The following USP37 variants were observed in gnomAD, a reference collection of about 807,000 sequenced individuals.
The protein encoded by USP37 is ubiquitin carboxyl-terminal hydrolase 37.
In USP37, 27 loss-of-function variants were observed where a neutral mutation model predicts 124.0. That is an observed-to-expected ratio of 0.22 (90% CI 0.16 to 0.30). USP37 has a LOEUF of 0.30. USP37 is among the 10% of genes least tolerant of loss of function. The pLI, the probability that USP37 is intolerant of heterozygous loss-of-function variation, is 1.00. For missense variants in USP37, 889 were observed against 1,140.4 expected (o/e 0.78, Z 3.17); for synonymous variants, 365 against 388.0 (o/e 0.94, Z 0.70).
chr2:218,497,958 T>TAA (rs1487089148), intron 12 of USP37, 68 bp downstream of exon 12: 1 of 1,568,714 alleles, frequency 6.4e-7, no homozygotes, highest in African/African-American at 1.4e-5. Context: ...TTTGAGTGTC[T>TAA]AAAATTCCAT....
At chr2:218,501,070 A>G (rs1689355370) in intron 11 of USP37, 1 of 143,414 alleles carries the variant, frequency 7.0e-6, no homozygotes, top group South Asian at 2.2e-4. Context: ...AGAGGGTCTC[A>G]TTCTGTTGCC....
intron 10 of USP37, among the ~76,000 whole-genome samples, chr2:218,524,540 CCAA>C (rs1690846538): frequency 1.3e-5 from 2 of 152,164 alleles, no homozygotes; most frequent in Non-Finnish European, 2.9e-5. Context: ...GGCTTTTAAT[CCAA>C]CAACATCCTC....
At position 218,517,437 on chromosome 2, in the gene USP37, A is replaced by T. The variant is rs546279328; in HGVS notation, c.864-7297T>A. Among the ~76,000 whole-genome samples, 17 of 151,930 alleles carry T rather than the reference A, an allele frequency of 1.1e-4. No homozygotes were observed. In the East Asian group the frequency reaches 3.3e-3, roughly 29 times the overall value. ...TACATATTTGTGGGTAAACTCTGTTATTATTTTGTTTTGTATGATAGTGTC... is the reference window on the plus strand; with the variant it reads ...TACATATTTGTGGGTAAACTCTGTTTTTATTTTGTTTTGTATGATAGTGTC... On this transcript the variant is annotated intron_variant, in intron 10 of 25. Coordinates refer to ENST00000258399, the MANE Select transcript of USP37 (RefSeq NM_020935.3).
intron 22 of USP37, among the ~76,000 whole-genome samples, chr2:218,460,330 T>C (rs1405566017): frequency 6.6e-6 from 1 of 151,972 alleles, no homozygotes; most frequent in Non-Finnish European, 1.5e-5. Context: ...GAGGTACACA[T>C]TTTATCATTC....
chr2:218,552,660 AC>A (rs1301608230), intron 5 of USP37, among the ~76,000 whole-genome samples: 3 of 148,654 alleles, frequency 2.0e-5, no homozygotes, highest in African/African-American at 5.0e-5. Flanking sequence ...AGAAAAAAAA[AC>A]CACTATTTTA....
intron 4 of USP37, 28 bp from the exon 5 acceptor site, chr2:218,553,752 T>C: frequency 6.3e-7 from 1 of 1,581,872 alleles, no homozygotes; most frequent in Non-Finnish European, 8.6e-7. Flanking sequence ...AAAATTATCA[T>C]CAAAAATGTA....
At chr2:218,455,940 G>C (rs777593524) in intron 24 of USP37, among the ~76,000 whole-genome samples, 1 of 152,152 alleles carries the variant, frequency 6.6e-6, no homozygotes, top group Non-Finnish European at 1.5e-5. Flanking sequence ...CAGCTACTCA[G>C]GAGGCTGAGG....
chr2:218,465,989 A>G (rs1449376230), intron 21 of USP37, 21 bp downstream of exon 21: 1 of 1,599,218 alleles, frequency 6.3e-7, no homozygotes, highest in Non-Finnish European at 8.5e-7. Context: ...CAGAGAAAGT[A>G]GCAATATAAA....
At chr2:218,567,954 G>A (rs563735811) in intron 1 of USP37, among the ~76,000 whole-genome samples, 1 of 152,304 alleles carries the variant, frequency 6.6e-6, no homozygotes, top group Non-Finnish European at 1.5e-5. Flanking sequence ...GAGTTTCGGA[G>A]GGAGCGAGTG....
intron 9 of USP37, among the ~76,000 whole-genome samples, chr2:218,534,197 C>T (rs1165909331): frequency 6.6e-6 from 1 of 152,178 alleles, no homozygotes; most frequent in African/African-American, 2.4e-5. Flanking sequence ...CAATAACTAA[C>T]ACCAGATTAG....
intron 10 of USP37, among the ~76,000 whole-genome samples, chr2:218,510,634 GTTTATACT>G (rs899573183): frequency 2.6e-4 from 40 of 152,134 alleles, no homozygotes; most frequent in African/African-American, 9.2e-4. Context: ...GGCTATACCA[GTTTATACT>G]TCAAACAACA....
intron 8 of USP37, among the ~76,000 whole-genome samples, chr2:218,540,076 T>C (rs1691888399): frequency 6.6e-6 from 1 of 152,204 alleles, no homozygotes; most frequent in African/African-American, 2.4e-5. Context: ...GGAGGCACTT[T>C]ACAGTTTCTC....
In USP37 at chr2:218,495,874, G is replaced by C; in HGVS notation, c.1358C>G (p.Thr453Ser). 6.2e-7 allele frequency: 1 copy of C among 1,613,934 alleles called. No individual in the cohort carries two copies. Among genetic ancestry groups the C allele is most frequent in the Non-Finnish European group, 8.5e-7 (1 of 1,179,994 alleles). Residue 453 changes from threonine to serine, a missense_variant, in exon 14 of 26, where the codon ACT becomes AGT. Thr to Ser is a moderately conservative substitution (Grantham distance 58). Coordinates refer to ENST00000258399, the MANE Select transcript of USP37 (RefSeq NM_020935.3). ...ATTTTCTTCTCCAGAAACAGGTTCA[G>C]TCTTCCAAGTTTTATTTAATTTTTC... ...DMEKLNKTWK[T>S]EPVSGEENSP... is the part of the protein sequence containing the mutation.
chr2:218,476,248 T>C (rs1690968619), intron 19 of USP37, among the ~76,000 whole-genome samples: 1 of 152,220 alleles, frequency 6.6e-6, no homozygotes, highest in African/African-American at 2.4e-5. Flanking sequence ...GCTCTGTTGA[T>C]GTAAAATGTT....
intron 8 of USP37, among the ~76,000 whole-genome samples, chr2:218,545,138 G>A (rs1692249486): frequency 6.6e-6 from 1 of 152,194 alleles, no homozygotes. Flanking sequence ...GGCAAACTAA[G>A]GCAGACTATT....
At chr2:218,546,768 G>T in intron 7 of USP37, 151 bp downstream of exon 7, 1 of 883,254 alleles carries the variant, frequency 1.1e-6, no homozygotes, top group East Asian at 2.7e-5. Context: ...ACATGTCACT[G>T]ACATAAACTA....
intron 10 of USP37, among the ~76,000 whole-genome samples, chr2:218,510,691 A>G (rs1034433026): frequency 6.6e-6 from 1 of 152,156 alleles, no homozygotes; most frequent in Non-Finnish European, 1.5e-5. Context: ...ATTACTTATT[A>G]TTATCAGTTT....
chr2:218,514,792 C>T (rs1024527285), intron 10 of USP37, among the ~76,000 whole-genome samples: 1 of 152,144 alleles, frequency 6.6e-6, no homozygotes, highest in African/African-American at 2.4e-5. Context: ...TTCCTACAAC[C>T]CTCTGAAATT....
intron 23 of USP37, among the ~76,000 whole-genome samples, chr2:218,458,399 G>C (rs1227407763): frequency 6.6e-6 from 1 of 151,440 alleles, no homozygotes; most frequent in Non-Finnish European, 1.5e-5. Context: ...TGGTGAAATT[G>C]CATCTCTACT....
Sources: gnomAD v4.1 joint callset for allele counts (sites outside exome capture counted in the v4.1 genomes callset) on GRCh38, gnomAD v4.1.1 for gene constraint, MANE v1.5 for transcripts, NCBI Gene and HGNC (gene_info 2026-07-23, HGNC 2026-07-21) for gene names.